Variants in ATP1A1 observed in about 807,000 individuals in gnomAD.
ATP1A1 encodes the protein sodium/potassium-transporting ATPase subunit alpha-1.
Under a neutral mutation model 114.8 loss-of-function variants are expected in ATP1A1, and 14 were observed. The observed-to-expected ratio is 0.12, with a 90% confidence interval of 0.08 to 0.19. ATP1A1 has a LOEUF of 0.19. ATP1A1 is among the 10% of genes least tolerant of loss of function. The pLI is 1.00. For synonymous variants in ATP1A1, 471 were observed against 466.3 expected (o/e 1.01, Z -0.13); for missense variants, 524 against 1,290.7 (o/e 0.41, Z 9.10).
Position 116,397,041 on chromosome 1 carries a change from T to A in ATP1A1, c.1973+307T>A, listed in dbSNP as rs1652988933. ...CCTCAGAACTGGTGAAATCATGCAG[T>A]AAATTCAGCAGTCTAGCTTCTGATT... is the stretch of plus-strand genomic sequence containing the variant. On this transcript the variant is annotated intron_variant, in intron 14 of 22. Transcript: ENST00000295598. The surrounding 1 kb of genome is among the most constrained non-coding windows in gnomAD (Gnocchi z 4.2). Among the ~76,000 whole-genome samples, 5 of 152,208 alleles carry A rather than the reference T, an allele frequency of 3.3e-5. No individual in the cohort carries two copies. The highest frequency in any genetic ancestry group is 3.3e-4 in the Admixed American group (5 of 15,288).
At position 116,388,050 on chromosome 1, in the gene ATP1A1, TTTTA is replaced by T; in HGVS notation, c.388-78_388-75del. On this transcript the variant is annotated intron_variant, in intron 4 of 22. Coordinates refer to ENST00000295598, the MANE Select transcript of ATP1A1 (RefSeq NM_000701.8). The surrounding 1 kb of genome is among the most constrained non-coding windows in gnomAD (Gnocchi z 5.6). ...TTGGTTTCTCTATTAAAAATCTGTT[TTTTA>T]TTCAGTCAAAAAATTAATTGAATGT... 5 of 929,986 alleles carry T rather than the reference TTTTA, an allele frequency of 5.4e-6. No individual in the cohort carries two copies. In the Middle Eastern group the frequency reaches 1.2e-3, roughly 225 times the overall value. The allele number at this position is 929,986 out of a possible 1,614,324, so 57.6% of individuals were successfully genotyped here.
In ATP1A1 at chr1:116,396,708, C is replaced by T. The variant is rs1389801357; in HGVS notation, c.1947C>T (p.Asn649=). 2 of 1,593,192 alleles carry T rather than the reference C, an allele frequency of 1.3e-6. No homozygotes were observed. Among genetic ancestry groups the T allele is most frequent in the African/African-American group, 2.7e-5 (2 of 74,216 alleles). ...TGGAAGACATTGCTGCCCGCCTCAA[C>T]ATCCCAGTCAGCCAGGTGAACCCCA... is the stretch of plus-strand genomic sequence containing the variant. The part of the protein sequence containing the change: ...ETVEDIAARL[N]IPVSQVNPRD... The change falls in exon 14 of 23, where the codon AAC becomes AAT. Residue 649 remains asparagine, a synonymous_variant. Transcript: ENST00000295598.
chr1:116,401,880 TAA>T lies in ATP1A1; in HGVS notation c.2951+227_2951+228del, dbSNP rs1653508762. The T allele has an allele frequency of 1.7e-6, 1 of 579,480 alleles. No individual in the cohort carries two copies. The highest frequency in any genetic ancestry group is 3.1e-6 in the Non-Finnish European group (1 of 327,422). 35.9% of individuals were successfully genotyped at this position (579,480 alleles called of 1,614,324 possible). A position where few individuals can be genotyped will look rare whatever the true frequency, so the allele number is the denominator to read the frequency against. The stretch of plus-strand genomic sequence containing the variant: ...GTTTAGGATTTGGCCCAAGATAAGA[TAA>T]AGCCACACAGGCTCTAGCTCCATGG... On this transcript the variant is annotated intron_variant, in intron 21 of 22. Transcript: ENST00000295598. The surrounding 1 kb of genome is among the most constrained non-coding windows in gnomAD (Gnocchi z 4.7).
rs1653767997 is a variant in ATP1A1, at chr1:116,404,036, GTTTT to G, written c.3043+64_3043+67del. 2 of 1,533,564 alleles carry G rather than the reference GTTTT, an allele frequency of 1.3e-6. No individual in the cohort carries two copies. Among genetic ancestry groups the G allele is most frequent in the African/African-American group, 2.8e-5 (2 of 72,368 alleles). 95.0% of individuals were successfully genotyped at this position (1,533,564 alleles called of 1,614,324 possible). On this transcript the variant is annotated intron_variant, in intron 22 of 22. Transcript: ENST00000295598. This position sits in a 1 kb window ranked among gnomAD's most constrained non-coding sequence, Gnocchi z 4.8. Reference sequence around the variant, plus strand: ...AGTGGGAGGGGCTATAGTTCTATTGGTTTTTTGTTTCCCTCAAGGTGTCTAGGCT... The same window carrying G: ...AGTGGGAGGGGCTATAGTTCTATTGGTTGTTTCCCTCAAGGTGTCTAGGCT...
At chr1:116,400,134 A>G (rs1384522749) in intron 18 of ATP1A1, among the ~76,000 whole-genome samples, 4 of 152,252 alleles carry the variant, frequency 2.6e-5, no homozygotes, top group African/African-American at 9.6e-5. Context: ...AACCTGGCAA[A>G]GCCACCATGG....
rs149986070 is a variant in ATP1A1, at chr1:116,388,408, A to C, written c.501+164A>C. On this transcript the variant is annotated intron_variant, in intron 5 of 22. Transcript: ENST00000295598. The surrounding 1 kb of genome is among the most constrained non-coding windows in gnomAD (Gnocchi z 5.6). ...CCAACCTATTTTCCTTCTATCCAAA[A>C]AGTGGTAGCCTTTCTTTTGAATGTA... is the stretch of plus-strand genomic sequence containing the variant. 4.3e-4 allele frequency: 414 copies of C among 954,396 alleles called. No individual in the cohort carries two copies. In the African/African-American group the frequency reaches 5.9e-3, roughly 14 times the overall value. 59.1% of individuals were successfully genotyped at this position (954,396 alleles called of 1,614,324 possible).
In ATP1A1 at chr1:116,389,792, CA is replaced by C. The variant is rs1652321721; in HGVS notation, c.1023+87del. On this transcript the variant is annotated intron_variant, in intron 8 of 22. Transcript: ENST00000295598. This position sits in a 1 kb window ranked among gnomAD's most constrained non-coding sequence, Gnocchi z 6.9. The stretch of plus-strand genomic sequence containing the variant: ...CCGCTATCCTATTCTAAGGTATTGC[CA>C]ACTTATGTTTTATTCTGGATGTTTG... 3 of 1,536,942 alleles carry C rather than the reference CA, an allele frequency of 2.0e-6. No homozygotes were observed. Among genetic ancestry groups the C allele is most frequent in the Non-Finnish European group, 8.8e-7 (1 of 1,132,106 alleles).
Position 116,399,078 on chromosome 1 carries a change from T to A in ATP1A1, c.2442T>A (p.Thr814=). 1 of 1,614,200 alleles carries A rather than the reference T, an allele frequency of 6.2e-7. No individual in the cohort carries two copies. The highest frequency in any genetic ancestry group is 8.5e-7 in the Non-Finnish European group (1 of 1,180,044). Residue 814 remains threonine (T), a synonymous_variant, in exon 17 of 23, where the codon ACT becomes ACA. Transcript: ENST00000295598. This position sits in a 1 kb window ranked among gnomAD's most constrained non-coding sequence, Gnocchi z 5.0. ...TVTILCIDLG[T]DMVPAISLAY... Reference sequence around the variant, plus strand: ...CCATCCTCTGCATTGACTTGGGCACTGACATGGTGAGTGTCACAACAGTCA... The same window carrying A: ...CCATCCTCTGCATTGACTTGGGCACAGACATGGTGAGTGTCACAACAGTCA...
chr1:116,398,574 C>A lies in ATP1A1; in HGVS notation c.2125-47C>A. On this transcript the variant is annotated intron_variant, in intron 15 of 22. Transcript: ENST00000295598. The surrounding 1 kb of genome is among the most constrained non-coding windows in gnomAD (Gnocchi z 6.1). ...GGCATGCATCGCACTATTTCCATCGCTAGGAAAAGTGATTGGTATTAACCC... is the reference window on the plus strand; with the variant it reads ...GGCATGCATCGCACTATTTCCATCGATAGGAAAAGTGATTGGTATTAACCC... The A allele has an allele frequency of 6.3e-7, 1 of 1,589,734 alleles. No homozygotes were observed. Among genetic ancestry groups the A allele is most frequent in the Non-Finnish European group, 8.6e-7 (1 of 1,165,100 alleles).
Position 116,404,090 on chromosome 1 carries a change from T to G in ATP1A1, c.3043+115T>G. On this transcript the variant is annotated intron_variant, in intron 22 of 22. Transcript: ENST00000295598. The surrounding 1 kb of genome is among the most constrained non-coding windows in gnomAD (Gnocchi z 4.8). ...TCCCTCAGTGGTCAGTCTGATTAGC[T>G]AAGGTGACTGGACCAGCAAACTGAC... 1 of 1,013,146 alleles carries G rather than the reference T, an allele frequency of 9.9e-7. No homozygotes were observed. Among genetic ancestry groups the G allele is most frequent in the South Asian group, 1.6e-5 (1 of 64,458 alleles). 62.8% of individuals were successfully genotyped at this position (1,013,146 alleles called of 1,614,324 possible).
chr1:116,398,075 A>G lies in ATP1A1; in HGVS notation c.2124+37A>G, dbSNP rs375599371. On this transcript the variant is annotated intron_variant, in intron 15 of 22. Coordinates refer to ENST00000295598, the MANE Select transcript of ATP1A1 (RefSeq NM_000701.8). The surrounding 1 kb of genome is among the most constrained non-coding windows in gnomAD (Gnocchi z 6.1). ...CAAGGATCAGGCTGCTTTGGGCACT[A>G]TTGGCTTTAGGGATTGGAGTTCCAG... 4.1e-5 allele frequency: 66 copies of G among 1,609,618 alleles called. 1 individual carries two copies. The highest frequency in any genetic ancestry group is 5.2e-5 in the Non-Finnish European group (61 of 1,177,678).
chr1:116,381,914 C>A lies in ATP1A1; in HGVS notation c.13-2100C>A, dbSNP rs7526569. The stretch of plus-strand genomic sequence containing the variant: ...AATACAGGCTGGGCACGGTGGCTCA[C>A]GCCTGTAATCCCAGCACTTTGGGAG... On this transcript the variant is annotated intron_variant, in intron 1 of 22. Transcript: ENST00000295598. The surrounding 1 kb of genome is among the most constrained non-coding windows in gnomAD (Gnocchi z 5.1). 6.6e-6 allele frequency among the ~76,000 whole-genome samples: 1 copy of A among 152,134 alleles called. No homozygotes were observed. The highest frequency in any genetic ancestry group is 2.4e-5 in the African/African-American group (1 of 41,398).
intron 12 of ATP1A1, 112 bp from the exon 13 acceptor site, chr1:116,394,998 A>T: frequency 3.6e-6 from 4 of 1,112,324 alleles, no homozygotes; most frequent in Non-Finnish European, 5.1e-6. Flanking sequence ...GACTTTAAAA[A>T]TTTTCCAAAG....
At chr1:116,402,561 G>C (rs1414040968) in intron 21 of ATP1A1, among the ~76,000 whole-genome samples, 1 of 152,174 alleles carries the variant, frequency 6.6e-6, no homozygotes, top group African/African-American at 2.4e-5. Flanking sequence ...ATCGTCTGTG[G>C]TGCAAGATGA....
rs199630256 is a variant in ATP1A1 at position 116,389,050 on chromosome 1, C to T, written c.754+31C>T. ...CCATTTTTGGGCACTTTGAGCATGG[C>T]GTGGTATTTCTCTTGGGCATTAACA... On this transcript the variant is annotated intron_variant, in intron 7 of 22. Coordinates refer to ENST00000295598, the MANE Select transcript of ATP1A1 (RefSeq NM_000701.8). The surrounding 1 kb of genome is among the most constrained non-coding windows in gnomAD (Gnocchi z 6.9). The T allele has an allele frequency of 3.1e-5, 49 of 1,561,008 alleles. 1 individual carries two copies. The Middle Eastern group carries it at 1.0e-3, about 33-fold the overall frequency.
rs1261190970 is a variant in ATP1A1, at chr1:116,390,529, C to CT, written c.1222+124dup. 3.5e-4 allele frequency: 321 copies of CT among 911,080 alleles called. 1 individual carries two copies. Among genetic ancestry groups the CT allele is most frequent in the African/African-American group, 1.4e-3 (57 of 41,342 alleles). 56.4% of individuals were successfully genotyped at this position (911,080 alleles called of 1,614,324 possible). The stretch of plus-strand genomic sequence containing the variant: ...TTAAGCTCATGGCAGCTTTTTCTTT[C>CT]TTTTTTGTTTTTTTTTTTTTTATCA... On this transcript the variant is annotated intron_variant, in intron 9 of 22. Coordinates refer to ENST00000295598, the MANE Select transcript of ATP1A1 (RefSeq NM_000701.8).
chr1:116,390,751 TTGTTC>T, intron 9 of ATP1A1, 26 bp from the exon 10 acceptor site: 1 of 1,559,458 alleles, frequency 6.4e-7, no homozygotes, highest in Non-Finnish European at 8.8e-7. Context: ...TAATGCATTG[TTGTTC>T]TGTTGTGTTT....
rs747270418 is a variant in ATP1A1, at chr1:116,404,469, C to G, written c.*25C>G. The G allele has an allele frequency of 3.1e-6, 5 of 1,605,776 alleles. No individual in the cohort carries two copies. Among genetic ancestry groups the G allele is most frequent in the Non-Finnish European group, 4.2e-6 (5 of 1,177,552 alleles). ...GCCCCCCGTCCTGCACGCCGTGGAG[C>G]ATCAGGCCACACACTCTGCATCCGA... is the stretch of plus-strand genomic sequence containing the variant. On this transcript the variant is annotated 3_prime_UTR_variant, in exon 23 of 23. Coordinates refer to ENST00000295598, the MANE Select transcript of ATP1A1 (RefSeq NM_000701.8). This position sits in a 1 kb window ranked among gnomAD's most constrained non-coding sequence, Gnocchi z 4.8.
rs12076734 is a variant in ATP1A1 at position 116,395,719 on chromosome 1, G to T, written c.1836+434G>T. ...CAAGTGCACTAATATCCTGTTGCTG[G>T]GTATTTGGTTTCTGTTTTTTACTCT... is the stretch of plus-strand genomic sequence containing the variant. On this transcript the variant is annotated intron_variant, in intron 13 of 22. Transcript: ENST00000295598. This position sits in a 1 kb window ranked among gnomAD's most constrained non-coding sequence, Gnocchi z 6.4. Among the ~76,000 whole-genome samples, 16,872 of 151,876 alleles carry T rather than the reference G, an allele frequency of 0.11. 2,777 individuals carry two copies. The highest frequency in any genetic ancestry group is 0.36 in the African/African-American group (14,776 of 41,382).
Sources: allele counts gnomAD v4.1 joint callset (sites outside exome capture counted in the v4.1 genomes callset), GRCh38; gene constraint gnomAD v4.1.1; non-coding constraint Gnocchi (gnomAD v3.1); transcripts MANE v1.5; gene names NCBI Gene and HGNC (gene_info 2026-07-23, HGNC 2026-07-21).